Variants in CELF1 observed in about 807,000 individuals in gnomAD.
The protein encoded by CELF1 is 50 kDa nuclear polyadenylated RNA-binding protein.
CELF1 carries 10 observed loss-of-function variants against 61.8 expected under a neutral mutation model. That is an observed-to-expected ratio of 0.16 (90% CI 0.10 to 0.27). The LOEUF (loss-of-function observed/expected upper bound fraction) is 0.27, where lower values mean the gene tolerates loss of function less well. Ranked by LOEUF, CELF1 falls within the 10% of genes least tolerant of loss-of-function variation. The pLI, the probability that CELF1 is intolerant of heterozygous loss-of-function variation, is 1.00. For missense variants in CELF1, 380 were observed against 639.1 expected (o/e 0.59, Z 4.37); for synonymous variants, 236 against 225.1 (o/e 1.05, Z -0.43).
intron 2 of CELF1, among the ~76,000 whole-genome samples, chr11:47,559,993 C>T (rs1299145282): frequency 6.9e-6 from 1 of 144,066 alleles, no homozygotes; most frequent in East Asian, 2.0e-4. Context: ...CAGAGCAAGA[C>T]TCTATCTCAA....
intron 2 of CELF1, among the ~76,000 whole-genome samples, chr11:47,558,871 GTA>G (rs1333339865): frequency 1.1e-4 from 14 of 125,226 alleles, no homozygotes; most frequent in African/African-American, 4.2e-4. Flanking sequence ...ATAATATAAT[GTA>G]TATATAATAT....
At chr11:47,517,021 A>G (rs1597655329) in intron 1 of CELF1, among the ~76,000 whole-genome samples, 1 of 152,118 alleles carries the variant, frequency 6.6e-6, no homozygotes, top group Admixed American at 6.6e-5. Context: ...GCACTTTGGG[A>G]GGACTGCTTG....
In CELF1 at chr11:47,471,221, C is replaced by T. The variant is rs1272891674; in HGVS notation, c.*1009G>A. The T allele has an allele frequency of 6.6e-6, 1 of 152,156 alleles. No individual in the cohort carries two copies. Among genetic ancestry groups the T allele is most frequent in the Non-Finnish European group, 1.5e-5 (1 of 68,068 alleles). The allele number at this position is 152,156 out of a possible 1,614,324, so 9.4% of individuals were successfully genotyped here. On this transcript the variant is annotated 3_prime_UTR_variant, in exon 15 of 15. Coordinates refer to ENST00000687097, the MANE Select transcript of CELF1 (RefSeq NM_001376376.1). ...ACTAGATGGTATTGATCACTCTGCCCACAAATGGTACCCCCTTCAGCAAGA... is the reference window on the plus strand; with the variant it reads ...ACTAGATGGTATTGATCACTCTGCCTACAAATGGTACCCCCTTCAGCAAGA...
intron 3 of CELF1, among the ~76,000 whole-genome samples, chr11:47,489,928 C>A (rs1389398952): frequency 2.4e-4 from 10 of 41,798 alleles, no homozygotes; most frequent in Admixed American, 1.2e-3. Flanking sequence ...TCAGAACATA[C>A]CATCTTGTTT....
chr11:47,475,744 TC>T (rs1280771316), intron 12 of CELF1, among the ~76,000 whole-genome samples: 5 of 152,142 alleles, frequency 3.3e-5, no homozygotes, highest in Non-Finnish European at 7.3e-5. Context: ...GGTGTTGTGC[TC>T]CCCATTACCT....
intron 1 of CELF1, among the ~76,000 whole-genome samples, chr11:47,504,001 C>T (rs977673561): frequency 3.3e-5 from 5 of 151,744 alleles, no homozygotes; most frequent in Non-Finnish European, 5.9e-5. Context: ...AAAGAGAGAC[C>T]TATCTCTACA....
At chr11:47,506,155 G>A (rs1202802148) in intron 1 of CELF1, among the ~76,000 whole-genome samples, 1 of 149,752 alleles carries the variant, frequency 6.7e-6, no homozygotes, top group Non-Finnish European at 1.5e-5. Flanking sequence ...GGCTGGGCGC[G>A]GTGGCTCACA....
upstream of CELF1, among the ~76,000 whole-genome samples, chr11:47,554,106 A>T (rs1208635048): frequency 6.6e-6 from 1 of 152,092 alleles, no homozygotes; most frequent in Non-Finnish European, 1.5e-5. Context: ...ATACCCACAA[A>T]TACTGATTAT....
At position 47,477,135 on chromosome 11, in the gene CELF1, G is replaced by T. The variant is rs560066907; in HGVS notation, c.973+162C>A. On this transcript the variant is annotated intron_variant, in intron 11 of 14. Transcript: ENST00000687097. ...GCCACAGCACATTGAAAATCAGGAA[G>T]ATTTCTCTTAAGTACAAAAGATGAC... 1.5e-4 allele frequency: 136 copies of T among 914,196 alleles called. 1 individual carries two copies. In the African/African-American group the frequency reaches 1.6e-3, roughly 11 times the overall value. 56.6% of individuals were successfully genotyped at this position (914,196 alleles called of 1,614,324 possible). A position where few individuals can be genotyped will look rare whatever the true frequency, so the allele number is the denominator to read the frequency against.
upstream of CELF1, among the ~76,000 whole-genome samples, chr11:47,557,185 GC>G (rs1958890801): frequency 6.6e-6 from 1 of 151,382 alleles, no homozygotes; most frequent in Non-Finnish European, 1.5e-5. Context: ...ACCACGCCCG[GC>G]CTATTTACTT....
At chr11:47,483,350 C>T (rs1016191019) in intron 8 of CELF1, 103 bp downstream of exon 8, 1 of 869,212 alleles carries the variant, frequency 1.2e-6, no homozygotes, top group Non-Finnish European at 1.9e-6. Flanking sequence ...GCTGTTTAAC[C>T]TTCTGGGCAA....
At chr11:47,489,149 A>G in intron 3 of CELF1, 125 bp from the exon 4 acceptor site, 1 of 817,340 alleles carries the variant, frequency 1.2e-6, no homozygotes, top group Non-Finnish European at 1.8e-6. Flanking sequence ...TTCTTTCACT[A>G]CTTCCATTCA....
Position 47,503,166 on chromosome 11 carries a change from GA to G in CELF1, c.-153-2235del, listed in dbSNP as rs1408799225. ...CATTAAAAGTGATCAATATAGGTAA[GA>G]AAAACACTCAAAAGAACAGCATTCA... is the stretch of plus-strand genomic sequence containing the variant. On this transcript the variant is annotated intron_variant, in intron 1 of 14. Transcript: ENST00000687097. Among the ~76,000 whole-genome samples, 85 of 152,232 alleles carry G rather than the reference GA, an allele frequency of 5.6e-4. 1 individual carries two copies. The highest frequency in any genetic ancestry group is 1.3e-4 in the Non-Finnish European group (9 of 68,010).
At chr11:47,535,362 GTTA>G (rs1346217665) in intron 1 of CELF1, among the ~76,000 whole-genome samples, 1 of 152,060 alleles carries the variant, frequency 6.6e-6, no homozygotes, top group Non-Finnish European at 1.5e-5. Flanking sequence ...GTAGGCAATA[GTTA>G]TTAAGATACT....
At chr11:47,479,656 C>G (rs60580032) in intron 9 of CELF1, among the ~76,000 whole-genome samples, 6,263 of 152,290 alleles carry the variant, frequency 0.041, 425 homozygotes, top group African/African-American at 0.14. Context: ...GGGCCTGTCC[C>G]TGAGTTTGTG....
At chr11:47,483,306 A>G (rs1596358695) in intron 8 of CELF1, 147 bp downstream of exon 8, 2 of 678,722 alleles carry the variant, frequency 2.9e-6, no homozygotes, top group East Asian at 2.5e-5. Context: ...CGTTAATTTT[A>G]AAGAAATCAG....
At chr11:47,491,224 G>A (rs777626662) in intron 3 of CELF1, among the ~76,000 whole-genome samples, 6 of 137,014 alleles carry the variant, frequency 4.4e-5, no homozygotes, top group African/African-American at 7.7e-5. Context: ...GTGCAGTGGC[G>A]TAATCTCAGC....
intron 1 of CELF1, among the ~76,000 whole-genome samples, chr11:47,522,523 C>T (rs113790731): frequency 0.016 from 2,406 of 145,848 alleles, 51 homozygotes; most frequent in African/African-American, 0.05. Context: ...CTGTCTAAAA[C>T]AACAACAACA....
intron 1 of CELF1, among the ~76,000 whole-genome samples, chr11:47,534,022 CTTTTTTTTTTTTTT>C (rs71042679): frequency 1.1e-5 from 1 of 87,616 alleles, no homozygotes; most frequent in Non-Finnish European, 2.1e-5. Context: ...TTTTTCTTTC[CTTTTTTTTTTTTTT>C]TTTTTTTTGG....
Sources: gnomAD v4.1 joint callset for allele counts (sites outside exome capture counted in the v4.1 genomes callset) on GRCh38, gnomAD v4.1.1 for gene constraint, MANE v1.5 for transcripts, NCBI Gene and HGNC (gene_info 2026-07-23, HGNC 2026-07-21) for gene names.